Variants in MACROD2 observed in about 807,000 individuals in gnomAD.
MACROD2 encodes the protein mono-ADP ribosylhydrolase 2, also known as ADP-ribose glycohydrolase MACROD2.
MACROD2 carries 36 observed loss-of-function variants against 70.4 expected under a neutral mutation model. That is an observed-to-expected ratio of 0.51 (90% CI 0.39 to 0.68). The LOEUF (loss-of-function observed/expected upper bound fraction) is 0.68, where lower values mean the gene tolerates loss of function less well. Among genes scored for constraint, MACROD2 ranks in the 30% least tolerant of loss-of-function variants. The pLI is 0.00. For missense variants in MACROD2, 496 were observed against 538.4 expected (o/e 0.92, Z 0.78); for synonymous variants, 172 against 178.8 (o/e 0.96, Z 0.30).
intron 5 of MACROD2, among the ~76,000 whole-genome samples, chr20:14,823,813 T>C (rs36017084): frequency 5.4e-4 from 82 of 152,160 alleles, no homozygotes; most frequent in Non-Finnish European, 8.7e-4. Context: ...GTTTTTTCGC[T>C]AAGAAGAGGA....
At chr20:14,631,751 G>A (rs1232852281) in intron 4 of MACROD2, 1 of 152,242 alleles carries the variant, frequency 6.6e-6, no homozygotes, top group East Asian at 1.9e-4. Context: ...TCCAGCCTGG[G>A]CGACAGAGCG....
chr20:15,372,215 G>A (rs2045504050), intron 6 of MACROD2, among the ~76,000 whole-genome samples: 1 of 152,108 alleles, frequency 6.6e-6, no homozygotes, highest in Non-Finnish European at 1.5e-5. Context: ...TTTAAGAGTT[G>A]GACTAGACTG....
At chr20:15,096,992 A>G (rs1215909546) in intron 5 of MACROD2, among the ~76,000 whole-genome samples, 1 of 151,414 alleles carries the variant, frequency 6.6e-6, no homozygotes, top group East Asian at 1.9e-4. Flanking sequence ...TTGCATTTTT[A>G]GTAAAGACAG....
chr20:15,753,691 A>G (rs542082336), intron 8 of MACROD2, among the ~76,000 whole-genome samples: 102 of 152,294 alleles, frequency 6.7e-4, no homozygotes, highest in African/African-American at 2.2e-3. Flanking sequence ...GAAATCTCCA[A>G]CCTGCTTTCC....
chr20:14,766,667 G>A (rs1022564380), intron 5 of MACROD2, among the ~76,000 whole-genome samples: 3 of 152,094 alleles, frequency 2.0e-5, no homozygotes, highest in African/African-American at 2.4e-5. Context: ...TGATATTGAA[G>A]ACAACATATT....
chr20:15,603,238 CTT>C, intron 8 of MACROD2, among the ~76,000 whole-genome samples: 1 of 152,038 alleles, frequency 6.6e-6, no homozygotes, highest in Non-Finnish European at 1.5e-5. Flanking sequence ...GTGGCTCATG[CTT>C]GTAATCCCAG....
chr20:14,302,032 T>C (rs2082479312), intron 3 of MACROD2, among the ~76,000 whole-genome samples: 1 of 152,252 alleles, frequency 6.6e-6, no homozygotes, highest in Non-Finnish European at 1.5e-5. Context: ...TATATAGTTT[T>C]CTGTTGCTAT....
chr20:14,958,619 G>A (rs79952787), intron 5 of MACROD2, among the ~76,000 whole-genome samples: 3,955 of 152,242 alleles, frequency 0.026, 165 homozygotes, highest in African/African-American at 0.09. Context: ...TTCTACTCTT[G>A]CATGTTCCCC....
At chr20:14,955,078 T>G (rs1338004670) in intron 5 of MACROD2, among the ~76,000 whole-genome samples, 1 of 3,884 alleles carries the variant, frequency 2.6e-4, no homozygotes, top group African/African-American at 9.0e-4. Context: ...ATTAAATATT[T>G]AATGTATTAA....
chr20:14,003,184 A>T (rs2052758820), intron 2 of MACROD2, among the ~76,000 whole-genome samples: 1 of 152,206 alleles, frequency 6.6e-6, no homozygotes, highest in Non-Finnish European at 1.5e-5. Context: ...GTGGTCTTAG[A>T]TCGATGGAAC....
intron 8 of MACROD2, among the ~76,000 whole-genome samples, chr20:15,744,264 TATG>T (rs2051147354): frequency 6.6e-6 from 1 of 152,230 alleles, no homozygotes; most frequent in Admixed American, 6.5e-5. Context: ...TAGTAAATAA[TATG>T]ATTAGTTCAA....
At position 15,270,213 on chromosome 20, in the gene MACROD2, C is replaced by T. The variant is rs141828075; in HGVS notation, c.540+40152C>T. 1.1e-3 allele frequency among the ~76,000 whole-genome samples: 167 copies of T among 148,888 alleles called. 2 individuals carry two copies. In the East Asian group the frequency reaches 0.029, roughly 26 times the overall value. On this transcript the variant is annotated intron_variant, in intron 6 of 17. Transcript: ENST00000684519. ...TTTTCGGTCGCTTTATTTATAATTG[C>T]CCCAAGCTAGAAAAAACCCAAATGG...
intron 7 of MACROD2, among the ~76,000 whole-genome samples, chr20:15,494,576 C>T (rs1342560366): frequency 6.6e-6 from 1 of 152,092 alleles, no homozygotes; most frequent in Admixed American, 6.5e-5. Flanking sequence ...AAAAAGAACA[C>T]ACATTATATA....
intron 5 of MACROD2, among the ~76,000 whole-genome samples, chr20:15,069,566 T>C (rs1006517784): frequency 1.3e-5 from 2 of 152,224 alleles, no homozygotes; most frequent in Non-Finnish European, 2.9e-5. Context: ...GGCTCCACTT[T>C]CCTTGCAGCC....
At chr20:15,147,587 T>A (rs531814663) in intron 5 of MACROD2, among the ~76,000 whole-genome samples, 1 of 152,230 alleles carries the variant, frequency 6.6e-6, no homozygotes, top group Non-Finnish European at 1.5e-5. Flanking sequence ...TATTATGCTA[T>A]TTTTTAATAG....
chr20:15,494,349 C>T (rs2047267469), intron 7 of MACROD2, among the ~76,000 whole-genome samples: 1 of 152,012 alleles, frequency 6.6e-6, no homozygotes, highest in South Asian at 2.1e-4. Context: ...GAAACACATG[C>T]TTATGTCCAC....
intron 3 of MACROD2, among the ~76,000 whole-genome samples, chr20:14,179,407 C>A (rs934981940): frequency 9.2e-5 from 14 of 152,034 alleles, no homozygotes; most frequent in African/African-American, 3.4e-4. Context: ...TATTCTTGTG[C>A]CCTTGCTAAG....
At position 15,358,454 on chromosome 20, in the gene MACROD2, T is replaced by A. The variant is rs550541983; in HGVS notation, c.541-72951T>A. On this transcript the variant is annotated intron_variant, in intron 6 of 17. Transcript: ENST00000684519. ...ACAAGTGTTTTATCAATTTTTTTTT[T>A]AAGTTTTTAACGTTTTATAACATTA... Among the ~76,000 whole-genome samples the A allele has an allele frequency of 4.0e-5, 6 of 150,276 alleles. No homozygotes were observed. The South Asian group carries it at 6.4e-4, about 16-fold the overall frequency.
At chr20:14,936,770 G>A (rs1181135950) in intron 5 of MACROD2, among the ~76,000 whole-genome samples, 2 of 152,136 alleles carry the variant, frequency 1.3e-5, no homozygotes, top group Admixed American at 6.6e-5. Context: ...GACTGAGAAT[G>A]ACCAAAAATC....
Sources: gnomAD v4.1 joint callset for allele counts (sites outside exome capture counted in the v4.1 genomes callset) on GRCh38, gnomAD v4.1.1 for gene constraint, MANE v1.5 for transcripts, NCBI Gene and HGNC (gene_info 2026-07-23, HGNC 2026-07-21) for gene names.